The following ECM2 variants were observed in gnomAD, a reference collection of about 807,000 sequenced individuals.
The protein encoded by ECM2 is extracellular matrix protein 2, female organ and adipocyte specific.
A neutral mutation model predicts 67.5 loss-of-function variants in ECM2; 57 were observed. That is an observed-to-expected ratio of 0.84 (90% confidence interval 0.68 to 1.05). The LOEUF (loss-of-function observed/expected upper bound fraction) is 1.05, where lower values mean the gene tolerates loss of function less well. Among genes scored for constraint, ECM2 ranks in the 50% least tolerant of loss-of-function variants. The pLI is 0.00. For missense variants in ECM2, 741 were observed against 822.8 expected (o/e 0.90, Z 1.22); for synonymous variants, 258 against 294.5 (o/e 0.88, Z 1.27).
At chr9:92,538,035 T>G (rs1276222319), upstream of ECM2, among the ~76,000 whole-genome samples, 1 of 152,110 alleles carries the variant, frequency 6.6e-6, no homozygotes, top group Non-Finnish European at 1.5e-5. Flanking sequence ...TCCTCTTCCT[T>G]GAGGACAGCT....
chr9:92,539,656 T>C (rs1849271411), upstream of ECM2, among the ~76,000 whole-genome samples: 1 of 152,092 alleles, frequency 6.6e-6, no homozygotes, highest in Non-Finnish European at 1.5e-5. Flanking sequence ...GAGAGGATGC[T>C]AAGTGAGGGG....
In ECM2 at chr9:92,496,308, C is replaced by T. The variant is rs774641326; in HGVS notation, c.*7G>A. ...AAAGTTTATAAACAGCAAAGGAAAACTTGGAATTACTTGATGTTTTGTGGT... is the reference window on the plus strand; with the variant it reads ...AAAGTTTATAAACAGCAAAGGAAAATTTGGAATTACTTGATGTTTTGTGGT... On this transcript the variant is annotated 3_prime_UTR_variant, in exon 10 of 10. Transcript: ENST00000344604. 6.4e-7 allele frequency: 1 copy of T among 1,567,962 alleles called. No homozygotes were observed. Among genetic ancestry groups the T allele is most frequent in the Non-Finnish European group, 8.6e-7 (1 of 1,164,046 alleles).
At chr9:92,544,861 G>A in the ECM2 span, among the ~76,000 whole-genome samples, 4 of 151,880 alleles carry the variant, frequency 2.6e-5, no homozygotes, top group South Asian at 2.1e-4. Flanking sequence ...GAGTACAGGC[G>A]CATGCCACCA....
Position 92,496,253 on chromosome 9 carries a change from G to A in ECM2, c.*62C>T. 1 of 1,510,600 alleles carries A rather than the reference G, an allele frequency of 6.6e-7. No homozygotes were observed. Among genetic ancestry groups the A allele is most frequent in the Non-Finnish European group, 8.8e-7 (1 of 1,140,204 alleles). 93.6% of individuals were successfully genotyped at this position (1,510,600 alleles called of 1,614,324 possible). A position where few individuals can be genotyped will look rare whatever the true frequency, so the allele number is the denominator to read the frequency against. On this transcript the variant is annotated 3_prime_UTR_variant, in exon 10 of 10. Transcript: ENST00000344604. ...GGAGGATTATGTCTCTCTTATTAATGACAAATGCAGCTACTACAAATACAT... is the reference window on the plus strand; with the variant it reads ...GGAGGATTATGTCTCTCTTATTAATAACAAATGCAGCTACTACAAATACAT...
chr9:92,529,870 C>T (rs900279629), intron 1 of ECM2, among the ~76,000 whole-genome samples: 3 of 152,190 alleles, frequency 2.0e-5, no homozygotes, highest in African/African-American at 4.8e-5. Flanking sequence ...TATAGTCAGC[C>T]CTTTATATCA....
At chr9:92,539,851 A>G (rs987414160), upstream of ECM2, among the ~76,000 whole-genome samples, 1 of 152,188 alleles carries the variant, frequency 6.6e-6, no homozygotes, top group Non-Finnish European at 1.5e-5. Flanking sequence ...CCATTCCCCT[A>G]TTGATGGACA....
chr9:92,493,896 AG>A, downstream of ECM2: 1 of 427,642 alleles, frequency 2.3e-6, no homozygotes. Context: ...CGACATACAC[AG>A]CAAGCCCACA....
intron 6 of ECM2, among the ~76,000 whole-genome samples, chr9:92,508,755 C>T (rs1051850250): frequency 2.0e-5 from 3 of 152,078 alleles, no homozygotes; most frequent in Non-Finnish European, 4.4e-5. Context: ...TTGTTCTTTT[C>T]TCAATACCAG....
chr9:92,543,196 G>T, the ECM2 span, among the ~76,000 whole-genome samples: 1 of 152,194 alleles, frequency 6.6e-6, no homozygotes, highest in Admixed American at 6.5e-5. Context: ...ATTGGTGCCA[G>T]CCTCGTGGCT....
At chr9:92,526,345 T>C (rs1848410512) in intron 1 of ECM2, among the ~76,000 whole-genome samples, 1 of 152,208 alleles carries the variant, frequency 6.6e-6, no homozygotes, top group Admixed American at 6.5e-5. Flanking sequence ...TTAAGCCAAG[T>C]GTTATTAAGA....
chr9:92,526,792 A>G (rs1848441716), intron 1 of ECM2, among the ~76,000 whole-genome samples: 1 of 152,124 alleles, frequency 6.6e-6, no homozygotes, highest in Non-Finnish European at 1.5e-5. Context: ...AAACTTTTTT[A>G]TAAATTTAGT....
chr9:92,518,886 CTAAA>C (rs1417310600), intron 2 of ECM2, among the ~76,000 whole-genome samples: 1 of 152,066 alleles, frequency 6.6e-6, no homozygotes, highest in Non-Finnish European at 1.5e-5. Flanking sequence ...AAGACTGTCC[CTAAA>C]TAAATAAATA....
chr9:92,509,875 C>A (rs1229842688), intron 6 of ECM2, 24 bp downstream of exon 6: 1 of 1,590,104 alleles, frequency 6.3e-7, no homozygotes, highest in Non-Finnish European at 8.5e-7. Flanking sequence ...GGAAGCATAT[C>A]ATTGAAAAAC....
upstream of ECM2, among the ~76,000 whole-genome samples, chr9:92,540,786 A>G (rs947669573): frequency 2.0e-5 from 3 of 151,674 alleles, no homozygotes; most frequent in African/African-American, 7.3e-5. Context: ...AAAAAAAATC[A>G]TCAATGAAGT....
At chr9:92,549,893 A>G in the ECM2 span, among the ~76,000 whole-genome samples, 1 of 152,142 alleles carries the variant, frequency 6.6e-6, no homozygotes, top group South Asian at 2.1e-4. Flanking sequence ...GCCAATGTGG[A>G]CAAAGTACAG....
the ECM2 span, among the ~76,000 whole-genome samples, chr9:92,547,228 A>G: frequency 6.6e-6 from 1 of 152,204 alleles, no homozygotes; most frequent in East Asian, 1.9e-4. Flanking sequence ...TGTTTACCAT[A>G]GTAGGAATAT....
intron 7 of ECM2, among the ~76,000 whole-genome samples, chr9:92,502,966 C>G (rs549440853): frequency 1.3e-5 from 2 of 151,808 alleles, no homozygotes; most frequent in African/African-American, 4.8e-5. Context: ...CGCCATGAAG[C>G]CTGGCTAATT....
intron 5 of ECM2, among the ~76,000 whole-genome samples, chr9:92,510,413 A>G (rs1169535606): frequency 5.3e-5 from 8 of 152,260 alleles, no homozygotes; most frequent in Non-Finnish European, 1.2e-4. Context: ...TGAAGCTGTC[A>G]TGGATGCTAA....
chr9:92,555,214 A>ATTTTTTT, the ECM2 span, among the ~76,000 whole-genome samples: 2 of 63,464 alleles, frequency 3.2e-5, no homozygotes, highest in Admixed American at 2.3e-4. Context: ...TTTTTTGGAA[A>ATTTTTTT]TTTTTTTTTT....
Sources: allele counts gnomAD v4.1 joint callset (sites outside exome capture counted in the v4.1 genomes callset), GRCh38; gene constraint gnomAD v4.1.1; transcripts MANE v1.5; gene names NCBI Gene and HGNC (gene_info 2026-07-23, HGNC 2026-07-21).